Variants in PTPRS observed in about 807,000 individuals in gnomAD.
PTPRS encodes receptor-type tyrosine-protein phosphatase S.
A neutral mutation model predicts 215.3 loss-of-function variants in PTPRS; 63 were observed. The ratio of observed to expected loss-of-function variants is 0.29; its 90% confidence interval spans 0.24 to 0.36. The LOEUF is 0.36. Among genes scored for constraint, PTPRS ranks in the 10% least tolerant of loss-of-function variants. The pLI is 1.00. For synonymous variants in PTPRS, 1,404 were observed against 1,191.4 expected, an observed-to-expected ratio of 1.18 and a Z score of -3.68; for missense variants, 2,258 against 2,825.8, an observed-to-expected ratio of 0.80 and a Z score of 4.56.
rs781565996 is a variant in PTPRS at position 5,221,194 on chromosome 19, C to T, written c.3261G>A (p.Thr1087=). ...VDGRTTKKLI[T]HLKPHTFYNF... ...TGTAGAAGGTGTGGGGCTTGAGGTGCGTGATGAGCTTCTTGGTGGTACGGC... is the reference window on the plus strand; with the variant it reads ...TGTAGAAGGTGTGGGGCTTGAGGTGTGTGATGAGCTTCTTGGTGGTACGGC... Residue 1087 remains threonine (T), a synonymous_variant, in exon 20 of 38, where the codon ACG becomes ACA. Transcript: ENST00000262963. 80 of 1,613,746 alleles carry T rather than the reference C, an allele frequency of 5.0e-5. No individual in the cohort carries two copies. The highest frequency in any genetic ancestry group is 1.8e-4 in the South Asian group (16 of 91,068).
chr19:5,284,791 T>TA (rs1003753110), intron 2 of PTPRS, among the ~76,000 whole-genome samples: 1 of 151,174 alleles, frequency 6.6e-6, no homozygotes, highest in Admixed American at 6.6e-5. Flanking sequence ...TACAAAAAAT[T>TA]AAAAAAATTA....
At chr19:5,233,166 TG>T (rs2043159071) in intron 13 of PTPRS, among the ~76,000 whole-genome samples, 1 of 137,590 alleles carries the variant, frequency 7.3e-6, no homozygotes. Context: ...CTTCATAGAA[TG>T]GTAACAAAAT....
At chr19:5,243,442 C>T (rs1271884795) in intron 11 of PTPRS, among the ~76,000 whole-genome samples, 1 of 151,836 alleles carries the variant, frequency 6.6e-6, no homozygotes, top group African/African-American at 2.4e-5. Context: ...GGCCTAGCTC[C>T]CCGATTTTAA....
intron 1 of PTPRS, among the ~76,000 whole-genome samples, chr19:5,332,145 T>C (rs1047507538): frequency 1.5e-4 from 22 of 150,764 alleles, no homozygotes; most frequent in African/African-American, 5.3e-4. Flanking sequence ...TTTTTTTTTT[T>C]AGACAGAGTC....
Position 5,214,418 on chromosome 19 carries a change from C to G in PTPRS, c.4557G>C (p.Thr1519=), listed in dbSNP as rs61729769. 1.2e-6 allele frequency: 2 copies of G among 1,614,190 alleles called. No homozygotes were observed. The highest frequency in any genetic ancestry group is 1.7e-6 in the Non-Finnish European group (2 of 1,180,038). ...TGGCCAGCTCGATGGTATCTAGCAACGTGACCTGGATGAAGCCGTAGGTCT... is the reference window on the plus strand; with the variant it reads ...TGGCCAGCTCGATGGTATCTAGCAAGGTGACCTGGATGAAGCCGTAGGTCT... ...GTETYGFIQV[T]LLDTIELATF... The change falls in exon 30 of 38, where the codon ACG becomes ACC. Residue 1519 remains threonine, a synonymous_variant. Coordinates refer to ENST00000262963, the MANE Select transcript of PTPRS (RefSeq NM_002850.4).
At chr19:5,246,159 G>A in intron 9 of PTPRS, 114 bp from the exon 10 acceptor site, 2 of 523,928 alleles carry the variant, frequency 3.8e-6, no homozygotes, top group Non-Finnish European at 5.9e-6. Flanking sequence ...AAGGAAGAAA[G>A]AAAGAAGGAA....
intron 2 of PTPRS, among the ~76,000 whole-genome samples, chr19:5,280,624 G>C (rs1261584586): frequency 6.6e-6 from 1 of 152,048 alleles, no homozygotes; most frequent in Non-Finnish European, 1.5e-5. Context: ...GGGAGGCTGA[G>C]GCAGGAGAAT....
At chr19:5,321,167 G>C (rs1237784441) in intron 1 of PTPRS, among the ~76,000 whole-genome samples, 1 of 152,168 alleles carries the variant, frequency 6.6e-6, no homozygotes, top group Non-Finnish European at 1.5e-5. Context: ...CAGCTGCTCA[G>C]GGGGCTGAGG....
At chr19:5,220,931 T>G (rs1854623418) in intron 20 of PTPRS, 69 bp downstream of exon 20, 1 of 1,522,294 alleles carries the variant, frequency 6.6e-7, no homozygotes, top group African/African-American at 1.4e-5. Context: ...AGAGGGCACG[T>G]GGCTTGCCCC....
chr19:5,290,392 C>T (rs1430239970), intron 1 of PTPRS, among the ~76,000 whole-genome samples: 2 of 152,238 alleles, frequency 1.3e-5, no homozygotes, highest in African/African-American at 4.8e-5. Context: ...CTGGTAGAGC[C>T]CGCTGGCCGC....
intron 13 of PTPRS, among the ~76,000 whole-genome samples, chr19:5,235,048 C>A (rs911766634): frequency 3.3e-5 from 5 of 150,936 alleles, no homozygotes; most frequent in African/African-American, 1.2e-4. Context: ...TCACGCCATT[C>A]TCCTGTCTCA....
intron 18 of PTPRS, 134 bp downstream of exon 18, chr19:5,222,555 C>G: frequency 1.8e-6 from 2 of 1,084,202 alleles, no homozygotes; most frequent in Non-Finnish European, 2.5e-6. Flanking sequence ...GCCTCGGGGT[C>G]CGGACTTGCC....
At chr19:5,296,043 C>T (rs577725176) in intron 1 of PTPRS, among the ~76,000 whole-genome samples, 2 of 152,176 alleles carry the variant, frequency 1.3e-5, no homozygotes, top group African/African-American at 2.4e-5. Context: ...GACATGAGCC[C>T]GTAATAAGGT....
chr19:5,318,212 T>C (rs368033727), intron 1 of PTPRS, among the ~76,000 whole-genome samples: 1 of 150,456 alleles, frequency 6.6e-6, no homozygotes, highest in Non-Finnish European at 1.5e-5. Context: ...GTGGTGGCGC[T>C]TGCCTGTAGT....
intron 4 of PTPRS, among the ~76,000 whole-genome samples, chr19:5,270,162 G>A (rs1045193174): frequency 3.9e-5 from 6 of 152,178 alleles, no homozygotes; most frequent in East Asian, 1.9e-4. Flanking sequence ...CTCCGCCCCC[G>A]CTCCTTCCTC....
chr19:5,267,405 C>T (rs922492651), intron 4 of PTPRS, among the ~76,000 whole-genome samples: 3 of 152,098 alleles, frequency 2.0e-5, no homozygotes, highest in African/African-American at 7.2e-5. Flanking sequence ...ACCTGTAATC[C>T]CAGCACTTTG....
chr19:5,327,091 T>C (rs1369930926), intron 1 of PTPRS, among the ~76,000 whole-genome samples: 1 of 152,194 alleles, frequency 6.6e-6, no homozygotes, highest in African/African-American at 2.4e-5. Flanking sequence ...GCCCAGCTCC[T>C]GCCAGCGTGG....
intron 2 of PTPRS, among the ~76,000 whole-genome samples, chr19:5,280,786 A>AT (rs1643072807): frequency 9.1e-6 from 1 of 110,476 alleles, no homozygotes; most frequent in Non-Finnish European, 2.1e-5. Flanking sequence ...GCCTCCCTTA[A>AT]CTTTTTTTTT....
At chr19:5,307,394 ATCTTAGTGTTATGAGATCAGTATC>A (rs138260623) in intron 1 of PTPRS, among the ~76,000 whole-genome samples, 3,247 of 152,342 alleles carry the variant, frequency 0.021, 79 homozygotes, top group East Asian at 0.12. Flanking sequence ...AGAGATTAGT[ATCTTAGTGTTATGAGATCAGTATC>A]TCTTAGTGTT....
Sources: allele counts gnomAD v4.1 joint callset (sites outside exome capture counted in the v4.1 genomes callset), GRCh38; gene constraint gnomAD v4.1.1; transcripts MANE v1.5; gene names NCBI Gene and HGNC (gene_info 2026-07-23, HGNC 2026-07-21).